The following DOCK3 variants were observed in gnomAD, a reference collection of about 807,000 sequenced individuals.
DOCK3 encodes the protein dedicator of cytokinesis 3, also known as dedicator of cytokinesis protein 3.
DOCK3 carries 60 observed loss-of-function variants against 265.6 expected under a neutral mutation model. The ratio of observed to expected loss-of-function variants is 0.23; its 90% CI spans 0.18 to 0.28. The LOEUF is 0.28. Ranked by LOEUF, DOCK3 falls within the 10% of genes least tolerant of loss-of-function variation. The pLI, the probability that DOCK3 is intolerant of heterozygous loss-of-function variation, is 1.00. For synonymous variants in DOCK3, 881 were observed against 938.0 expected (o/e 0.94, Z 1.11); for missense variants, 1,981 against 2,594.3 (o/e 0.76, Z 5.14).
intron 14 of DOCK3, among the ~76,000 whole-genome samples, chr3:51,215,112 GT>G (rs890524982): frequency 1.3e-5 from 2 of 152,146 alleles, no homozygotes; most frequent in Non-Finnish European, 2.9e-5. Flanking sequence ...TCTCAGTTGA[GT>G]TTTTTTGTTG....
intron 27 of DOCK3, among the ~76,000 whole-genome samples, chr3:51,305,735 C>CGTGT (rs113288288): frequency 7.3e-5 from 10 of 137,760 alleles, no homozygotes; most frequent in South Asian, 2.4e-4. Flanking sequence ...TGTGTGTGCG[C>CGTGT]GTGTGTGTGT....
intron 38 of DOCK3, among the ~76,000 whole-genome samples, chr3:51,343,946 A>G (rs1251939348): frequency 6.6e-6 from 1 of 152,226 alleles, no homozygotes. Flanking sequence ...CAGGCCAGAC[A>G]AGGAGAGAGG....
intron 27 of DOCK3, 32 bp downstream of exon 27, chr3:51,280,236 G>A: frequency 6.2e-7 from 1 of 1,600,196 alleles, no homozygotes; most frequent in South Asian, 1.1e-5. Flanking sequence ...CTCTGGGAGA[G>A]GAAGTGTGCA....
At chr3:51,367,860 G>A (rs868196634) in intron 49 of DOCK3, among the ~76,000 whole-genome samples, 157 of 152,300 alleles carry the variant, frequency 1.0e-3, no homozygotes, top group African/African-American at 3.7e-3. Context: ...TGAGAGATCT[G>A]CTGTTAGTCT....
chr3:51,311,751 C>T (rs2083076654), intron 28 of DOCK3, among the ~76,000 whole-genome samples: 1 of 152,204 alleles, frequency 6.6e-6, no homozygotes, highest in South Asian at 2.1e-4. Flanking sequence ...CAGGTAATGA[C>T]AGAACTAGGT....
intron 23 of DOCK3, among the ~76,000 whole-genome samples, chr3:51,267,236 C>G (rs1459873889): frequency 6.6e-6 from 1 of 152,136 alleles, no homozygotes; most frequent in Admixed American, 6.5e-5. Flanking sequence ...TAAATTAGTT[C>G]AACCATTGTG....
At chr3:51,140,367 T>C (rs183068591) in intron 9 of DOCK3, among the ~76,000 whole-genome samples, 1 of 152,358 alleles carries the variant, frequency 6.6e-6, no homozygotes, top group East Asian at 1.9e-4. Flanking sequence ...TGGTCTTATG[T>C]GATTGGCTTC....
chr3:51,039,782 AT>A (rs2109014897), intron 5 of DOCK3, among the ~76,000 whole-genome samples: 1 of 151,508 alleles, frequency 6.6e-6, no homozygotes, highest in South Asian at 2.1e-4. Flanking sequence ...CCCGCAGTCT[AT>A]CATCTGTCTG....
In DOCK3 at chr3:51,360,545, G is replaced by A. The variant is rs974291657; in HGVS notation, c.4919G>A (p.Cys1640Tyr). 10 of 1,612,754 alleles carry A rather than the reference G, an allele frequency of 6.2e-6. No individual in the cohort carries two copies. Among genetic ancestry groups the A allele is most frequent in the Non-Finnish European group, 8.5e-6 (10 of 1,179,452 alleles). ...GGTTTGGATAAGCTAAGTCCTGCATGTTCAGGCACCAGCACCCCACGGGGA... is the reference window on the plus strand; with the variant it reads ...GGTTTGGATAAGCTAAGTCCTGCATATTCAGGCACCAGCACCCCACGGGGA... ...FPGLDKLSPA[C>Y]SGTSTPRGNV... The change falls in exon 47 of 53, where the codon TGT becomes TAT. Residue 1640 changes from cysteine (C) to tyrosine (Y), a missense_variant. By Grantham distance (194) the Cys-to-Tyr change is radical (BLOSUM62 -2). This residue lies in a region of DOCK3 where 1,357 missense variants were observed against 1,866.8 expected (regional missense o/e 0.73). Coordinates refer to ENST00000266037, the MANE Select transcript of DOCK3 (RefSeq NM_004947.5).
chr3:50,998,189 G>C (rs1172228966), intron 5 of DOCK3, among the ~76,000 whole-genome samples: 2 of 152,168 alleles, frequency 1.3e-5, no homozygotes, highest in Non-Finnish European at 2.9e-5. Flanking sequence ...CTAGTAAATA[G>C]AGGAGCTAGA....
At chr3:51,302,852 T>C (rs2082430547) in intron 27 of DOCK3, among the ~76,000 whole-genome samples, 1 of 152,158 alleles carries the variant, frequency 6.6e-6, no homozygotes, top group Non-Finnish European at 1.5e-5. Flanking sequence ...GCCCTTAACA[T>C]TTTTTCCTTC....
chr3:50,926,362 A>G (rs2108087643), intron 4 of DOCK3, among the ~76,000 whole-genome samples: 1 of 152,284 alleles, frequency 6.6e-6, no homozygotes, highest in Non-Finnish European at 1.5e-5. Context: ...GGGTTTTTTA[A>G]AAAAGTTTGC....
chr3:50,828,223 G>C (rs997866395), intron 2 of DOCK3, among the ~76,000 whole-genome samples: 4 of 150,814 alleles, frequency 2.7e-5, no homozygotes, highest in Admixed American at 2.6e-4. Flanking sequence ...GCCACCACAC[G>C]TGCCAGAAAA....
At chr3:51,267,824 A>C (rs1269620703) in intron 23 of DOCK3, among the ~76,000 whole-genome samples, 1 of 152,250 alleles carries the variant, frequency 6.6e-6, no homozygotes, top group Non-Finnish European at 1.5e-5. Context: ...AAAAAGGATG[A>C]GTTTATGTCC....
chr3:51,361,735 T>G lies in DOCK3; in HGVS notation c.5007-124T>G. Reference sequence around the variant, plus strand: ...GCCTCAGATGGGTATGAGCATTGACTATGGAACCCTCCAAACCGGTGGTAG... The same window carrying G: ...GCCTCAGATGGGTATGAGCATTGACGATGGAACCCTCCAAACCGGTGGTAG... On this transcript the variant is annotated intron_variant, in intron 47 of 52. Transcript: ENST00000266037. The surrounding 1 kb of genome is among the most constrained non-coding windows in gnomAD (Gnocchi z 4.2). The G allele has an allele frequency of 7.5e-7, 1 of 1,331,204 alleles. No individual in the cohort carries two copies. The highest frequency in any genetic ancestry group is 2.3e-5 in the Admixed American group (1 of 44,428). 82.5% of individuals were successfully genotyped at this position (1,331,204 alleles called of 1,614,324 possible).
chr3:50,999,296 C>T (rs2078389893), intron 5 of DOCK3, among the ~76,000 whole-genome samples: 1 of 152,154 alleles, frequency 6.6e-6, no homozygotes. Context: ...CGTTGAAAGA[C>T]CATATGCTCT....
chr3:50,797,993 C>G (rs934496181), intron 2 of DOCK3, among the ~76,000 whole-genome samples: 1 of 152,178 alleles, frequency 6.6e-6, no homozygotes, highest in Non-Finnish European at 1.5e-5. Context: ...AACTGTAACA[C>G]ATATGTAACT....
At chr3:51,178,008 CAA>C (rs59962649) in intron 12 of DOCK3, among the ~76,000 whole-genome samples, 4 of 138,096 alleles carry the variant, frequency 2.9e-5, no homozygotes, top group Non-Finnish European at 6.1e-5. Context: ...AAAAAACAAA[CAA>C]AAAAAAACTC....
intron 1 of DOCK3, among the ~76,000 whole-genome samples, chr3:50,700,514 A>G (rs1052918638): frequency 1.3e-5 from 2 of 152,006 alleles, no homozygotes; most frequent in African/African-American, 4.8e-5. Flanking sequence ...GCTCCCACAT[A>G]TGGGTGAGAA....
Sources: gnomAD v4.1 joint callset for allele counts (sites outside exome capture counted in the v4.1 genomes callset) on GRCh38, gnomAD v4.1.1 for gene constraint, gnomAD v4.1.1 regional missense constraint, Gnocchi (gnomAD v3.1) non-coding constraint, MANE v1.5 for transcripts, NCBI Gene and HGNC (gene_info 2026-07-23, HGNC 2026-07-21) for gene names.